The following AUTS2 variants were observed in gnomAD, a reference collection of about 807,000 sequenced individuals.
AUTS2 encodes the protein activator of transcription and developmental regulator AUTS2.
AUTS2 carries 17 observed loss-of-function variants against 112.4 expected under a neutral mutation model. The ratio of observed to expected loss-of-function variants is 0.15; its 90% CI spans 0.10 to 0.23. The LOEUF (loss-of-function observed/expected upper bound fraction) is 0.23, where lower values mean the gene tolerates loss of function less well. AUTS2 is among the 10% of genes least tolerant of loss of function. The pLI is 1.00. For synonymous variants in AUTS2, 751 were observed against 702.7 expected, an observed-to-expected ratio of 1.07 and a Z score of -1.09; for missense variants, 1,510 against 1,701.6, an observed-to-expected ratio of 0.89 and a Z score of 1.98.
At chr7:70,586,110 G>T (rs1400616743) in intron 5 of AUTS2, among the ~76,000 whole-genome samples, 1 of 152,068 alleles carries the variant, frequency 6.6e-6, no homozygotes, top group African/African-American at 2.4e-5. Flanking sequence ...TGATCCTCCT[G>T]CCTCAGCCTC....
chr7:70,549,056 C>T (rs183150733), intron 5 of AUTS2, among the ~76,000 whole-genome samples: 124 of 152,016 alleles, frequency 8.2e-4, no homozygotes, highest in African/African-American at 2.7e-3. Flanking sequence ...AATATCTCTT[C>T]GTTTATTTAG....
intron 2 of AUTS2, among the ~76,000 whole-genome samples, chr7:69,933,424 A>G (rs1796294575): frequency 6.6e-6 from 1 of 152,202 alleles, no homozygotes; most frequent in South Asian, 2.1e-4. Context: ...AAACATGGAT[A>G]GGTCAGTGTC....
chr7:70,372,762 C>T (rs1792896901), intron 4 of AUTS2, among the ~76,000 whole-genome samples: 2 of 151,696 alleles, frequency 1.3e-5, no homozygotes, highest in South Asian at 4.1e-4. Context: ...AAAATCAACC[C>T]TGTTAATAAC....
At chr7:70,451,247 G>A (rs1166960596) in intron 5 of AUTS2, among the ~76,000 whole-genome samples, 1 of 152,074 alleles carries the variant, frequency 6.6e-6, no homozygotes, top group Non-Finnish European at 1.5e-5. Context: ...GGCAAGAGTT[G>A]AATAACTATT....
chr7:69,656,870 T>C (rs1795563730), intron 1 of AUTS2, among the ~76,000 whole-genome samples: 1 of 152,200 alleles, frequency 6.6e-6, no homozygotes, highest in East Asian at 1.9e-4. Context: ...TGATTCTCCT[T>C]TCATGTGACA....
At chr7:69,937,934 A>C (rs1486621666) in intron 2 of AUTS2, among the ~76,000 whole-genome samples, 1 of 152,140 alleles carries the variant, frequency 6.6e-6, no homozygotes, top group East Asian at 1.9e-4. Flanking sequence ...TGCACTAGAG[A>C]AATCTGATAC....
intron 5 of AUTS2, among the ~76,000 whole-genome samples, chr7:70,444,843 G>A (rs1052501984): frequency 3.9e-5 from 6 of 152,156 alleles, no homozygotes; most frequent in Non-Finnish European, 5.9e-5. Flanking sequence ...GCCCTGTGGT[G>A]GGTGGTTGTA....
chr7:70,441,544 C>T (rs1796123542), intron 5 of AUTS2, among the ~76,000 whole-genome samples: 1 of 152,156 alleles, frequency 6.6e-6, no homozygotes, highest in African/African-American at 2.4e-5. Context: ...TACCACCATA[C>T]TCAGATAACT....
intron 2 of AUTS2, among the ~76,000 whole-genome samples, chr7:69,957,688 T>C (rs557833619): frequency 2.6e-5 from 4 of 152,124 alleles, no homozygotes; most frequent in African/African-American, 9.6e-5. Context: ...TATCTTGGGG[T>C]CTAGATGAAG....
intron 4 of AUTS2, among the ~76,000 whole-genome samples, chr7:70,190,187 T>C (rs1359217466): frequency 6.6e-6 from 1 of 152,208 alleles, no homozygotes; most frequent in Non-Finnish European, 1.5e-5. Context: ...TTTCTTCCCA[T>C]ACCTTAGCTT....
intron 4 of AUTS2, among the ~76,000 whole-genome samples, chr7:70,357,452 C>G (rs1297868283): frequency 2.0e-5 from 3 of 152,188 alleles, no homozygotes; most frequent in Admixed American, 1.3e-4. Flanking sequence ...CCATCCATTA[C>G]TACTTTGTCA....
chr7:69,870,691 G>C (rs901851717), intron 1 of AUTS2, among the ~76,000 whole-genome samples: 1 of 151,872 alleles, frequency 6.6e-6, no homozygotes, highest in Non-Finnish European at 1.5e-5. Flanking sequence ...GACTGTATAA[G>C]TTACAGGGCC....
intron 2 of AUTS2, among the ~76,000 whole-genome samples, chr7:70,001,051 C>A (rs1485626262): frequency 6.6e-6 from 1 of 151,938 alleles, no homozygotes; most frequent in Admixed American, 6.6e-5. Flanking sequence ...CTATTGGTGG[C>A]TGGAAAAATA....
At chr7:69,693,730 G>A (rs1181706226) in intron 1 of AUTS2, among the ~76,000 whole-genome samples, 1 of 152,170 alleles carries the variant, frequency 6.6e-6, no homozygotes, top group Admixed American at 6.5e-5. Flanking sequence ...GAGAATTTGA[G>A]ACTTGCTCAA....
intron 2 of AUTS2, among the ~76,000 whole-genome samples, chr7:69,946,395 T>C (rs1386396727): frequency 2.0e-5 from 3 of 152,162 alleles, no homozygotes; most frequent in African/African-American, 7.2e-5. Context: ...GTAGGCTTTA[T>C]CAAATCTGCT....
intron 5 of AUTS2, among the ~76,000 whole-genome samples, chr7:70,511,640 A>G (rs531564173): frequency 4.9e-4 from 61 of 124,266 alleles, no homozygotes; most frequent in African/African-American, 1.9e-3. Flanking sequence ...CAGTGGCACG[A>G]TCTGGGCTCA....
chr7:70,736,871 A>G (rs1787807704), intron 6 of AUTS2, among the ~76,000 whole-genome samples: 1 of 152,206 alleles, frequency 6.6e-6, no homozygotes, highest in Non-Finnish European at 1.5e-5. Flanking sequence ...CAATGGAGTC[A>G]GAAATAGGCT....
chr7:70,290,393 A>G, intron 4 of AUTS2: 1 of 1,518,930 alleles, frequency 6.6e-7, no homozygotes, highest in South Asian at 1.3e-5. Context: ...TGCCTTGGAG[A>G]GGAAGCATGT....
intron 1 of AUTS2, among the ~76,000 whole-genome samples, chr7:69,748,766 T>A (rs1025162574): frequency 6.6e-6 from 1 of 152,146 alleles, no homozygotes; most frequent in Admixed American, 6.5e-5. Context: ...GGAAAGTGGG[T>A]CATCAACAAG....
Sources: allele counts gnomAD v4.1 joint callset (sites outside exome capture counted in the v4.1 genomes callset), GRCh38; gene constraint gnomAD v4.1.1; transcripts MANE v1.5; gene names NCBI Gene and HGNC (gene_info 2026-07-23, HGNC 2026-07-21).